CHN1: variants seen among roughly 807,000 people sequenced by gnomAD.
CHN1 encodes N-chimaerin.
In CHN1, 37 loss-of-function variants were observed where a neutral mutation model predicts 59.5. The ratio of observed to expected loss-of-function variants is 0.62; its 90% CI spans 0.48 to 0.82. The LOEUF is 0.82. CHN1 is among the 40% of genes least tolerant of loss of function. The pLI, the probability that CHN1 is intolerant of heterozygous loss-of-function variation, is 0.00. For synonymous variants in CHN1, 206 were observed against 200.4 expected (o/e 1.03, Z -0.24); for missense variants, 469 against 571.0 (o/e 0.82, Z 1.82).
At chr2:174,995,368 A>G (rs987450290) in intron 1 of CHN1, among the ~76,000 whole-genome samples, 4 of 152,208 alleles carry the variant, frequency 2.6e-5, no homozygotes, top group African/African-American at 9.6e-5. Context: ...GAAATCTTAC[A>G]CTACACAGCT....
At chr2:174,974,372 T>C (rs1690852912) in intron 1 of CHN1, among the ~76,000 whole-genome samples, 1 of 152,316 alleles carries the variant, frequency 6.6e-6, no homozygotes, top group African/African-American at 2.4e-5. Context: ...TGCTGAATAC[T>C]AGGAATTGAA....
chr2:174,866,490 G>C (rs1021116218), intron 6 of CHN1, among the ~76,000 whole-genome samples: 2 of 152,076 alleles, frequency 1.3e-5, no homozygotes, highest in African/African-American at 4.8e-5. Flanking sequence ...CCAAAAAAAA[G>C]CATTTTCATA....
chr2:174,944,313 A>G (rs1689762046), intron 3 of CHN1, among the ~76,000 whole-genome samples: 1 of 152,212 alleles, frequency 6.6e-6, no homozygotes, highest in Non-Finnish European at 1.5e-5. Flanking sequence ...TCCAATCTGC[A>G]ATGTAAGTGC....
intron 6 of CHN1, among the ~76,000 whole-genome samples, chr2:174,872,385 GACTT>G (rs1194265816): frequency 6.6e-6 from 1 of 152,130 alleles, no homozygotes; most frequent in Non-Finnish European, 1.5e-5. Flanking sequence ...ATATTAAACA[GACTT>G]ACAGAAAATC....
chr2:174,960,344 G>A (rs1343002042), intron 1 of CHN1, among the ~76,000 whole-genome samples: 1 of 152,168 alleles, frequency 6.6e-6, no homozygotes, highest in Non-Finnish European at 1.5e-5. Context: ...AATCCATTAT[G>A]ATTAAGTATG....
chr2:174,891,860 A>G (rs1200910558), intron 5 of CHN1, among the ~76,000 whole-genome samples: 1 of 152,158 alleles, frequency 6.6e-6, no homozygotes. Flanking sequence ...AAAGATCAAC[A>G]AAATTGACAA....
chr2:174,836,042 C>T (rs1686065259), intron 7 of CHN1, among the ~76,000 whole-genome samples: 1 of 152,162 alleles, frequency 6.6e-6, no homozygotes, highest in South Asian at 2.1e-4. Flanking sequence ...GCTCTGTCTC[C>T]TCAGGCAGTC....
At chr2:174,968,158 G>A (rs79055450) in intron 1 of CHN1, among the ~76,000 whole-genome samples, 1,673 of 152,314 alleles carry the variant, frequency 0.011, 24 homozygotes, top group African/African-American at 0.038. Context: ...GGAAAAGAGA[G>A]ATAAGGCTCC....
At chr2:174,988,085 C>T (rs1040196907) in intron 1 of CHN1, among the ~76,000 whole-genome samples, 1 of 152,210 alleles carries the variant, frequency 6.6e-6, no homozygotes, top group East Asian at 1.9e-4. Flanking sequence ...AACAGCCAGG[C>T]GCGGTGGCTC....
Position 175,005,233 on chromosome 2 carries a change from G to A in CHN1, c.-321C>T. On this transcript the variant is annotated 5_prime_UTR_variant, in exon 1 of 13. Transcript: ENST00000409900. Reference sequence around the variant, plus strand: ...GCGAGGCAGGAGGCTTGGCCGCGGCGCAGTGGCTGGCGGAGAGGCGGCGCC... The same window carrying A: ...GCGAGGCAGGAGGCTTGGCCGCGGCACAGTGGCTGGCGGAGAGGCGGCGCC... The A allele has an allele frequency of 1.7e-6, 2 of 1,186,944 alleles. No individual in the cohort carries two copies. The highest frequency in any genetic ancestry group is 2.1e-6 in the Non-Finnish European group (2 of 956,924). 73.5% of individuals were successfully genotyped at this position (1,186,944 alleles called of 1,614,324 possible). A position where few individuals can be genotyped will look rare whatever the true frequency, so the allele number is the denominator to read the frequency against.
chr2:174,935,512 T>C lies in CHN1; in HGVS notation c.114+9376A>G, dbSNP rs146287972. Among the ~76,000 whole-genome samples the C allele has an allele frequency of 4.4e-3, 676 of 152,300 alleles. 6 individuals are homozygous for C. The highest frequency in any genetic ancestry group is 0.015 in the African/African-American group (637 of 41,548). On this transcript the variant is annotated intron_variant, in intron 3 of 12. Coordinates refer to ENST00000409900, the MANE Select transcript of CHN1 (RefSeq NM_001822.7). ...CACCCTATAAGCATTTAACAACCTA[T>C]ACTACACACCAGTCAGCATACCTAG...
intron 1 of CHN1, among the ~76,000 whole-genome samples, chr2:174,991,141 C>T (rs1024054006): frequency 6.6e-6 from 1 of 152,168 alleles, no homozygotes. Context: ...CTTCAAAACA[C>T]AAGCTAGTTT....
intron 5 of CHN1, among the ~76,000 whole-genome samples, chr2:174,890,433 C>T (rs974767203): frequency 2.0e-5 from 3 of 152,124 alleles, no homozygotes; most frequent in Non-Finnish European, 4.4e-5. Flanking sequence ...CATGTACCTG[C>T]CCTAGTCCCA....
intron 3 of CHN1, among the ~76,000 whole-genome samples, chr2:174,922,350 G>A (rs1231190241): frequency 6.6e-6 from 1 of 152,106 alleles, no homozygotes; most frequent in Non-Finnish European, 1.5e-5. Flanking sequence ...ATGTACACAT[G>A]AAAACATGAA....
chr2:174,850,145 T>C (rs570240080), intron 6 of CHN1, among the ~76,000 whole-genome samples: 2 of 152,332 alleles, frequency 1.3e-5, no homozygotes, highest in African/African-American at 4.8e-5. Flanking sequence ...TTAGAAGTGA[T>C]ATCATCCACT....
At chr2:174,975,031 C>T (rs1690877870) in intron 1 of CHN1, among the ~76,000 whole-genome samples, 1 of 151,864 alleles carries the variant, frequency 6.6e-6, no homozygotes, top group South Asian at 2.1e-4. Flanking sequence ...TATTTTACTG[C>T]TAAATGTAAC....
At chr2:174,981,629 T>A (rs1691150293) in intron 1 of CHN1, among the ~76,000 whole-genome samples, 1 of 152,190 alleles carries the variant, frequency 6.6e-6, no homozygotes, top group Non-Finnish European at 1.5e-5. Flanking sequence ...GTTAACAGAC[T>A]TATACATGTC....
chr2:174,930,565 A>G (rs1453738291), intron 3 of CHN1, among the ~76,000 whole-genome samples: 1 of 152,114 alleles, frequency 6.6e-6, no homozygotes, highest in Non-Finnish European at 1.5e-5. Flanking sequence ...AGTAGGTTGT[A>G]CCTAGCTGGC....
rs759449440 is a variant in CHN1 at position 174,799,360 on chromosome 2, G to A, written c.*756C>T. On this transcript the variant is annotated 3_prime_UTR_variant, in exon 13 of 13. Coordinates refer to ENST00000409900, the MANE Select transcript of CHN1 (RefSeq NM_001822.7). Reference sequence around the variant, plus strand: ...AATAAATGGCCAAACACATTTTCCCGAATATTCTTATGAGAAAAAAGTAAG... The same window carrying A: ...AATAAATGGCCAAACACATTTTCCCAAATATTCTTATGAGAAAAAAGTAAG... The A allele has an allele frequency of 1.1e-4, 43 of 399,478 alleles. No homozygotes were observed. Among genetic ancestry groups the A allele is most frequent in the South Asian group, 3.4e-4 (16 of 47,270 alleles). The allele number at this position is 399,478 out of a possible 1,614,324, so 24.7% of individuals were successfully genotyped here.
Sources: allele counts gnomAD v4.1 joint callset (sites outside exome capture counted in the v4.1 genomes callset), GRCh38; gene constraint gnomAD v4.1.1; transcripts MANE v1.5; gene names NCBI Gene and HGNC (gene_info 2026-07-23, HGNC 2026-07-21).